KRT86: variants seen among roughly 807,000 people sequenced by gnomAD.
KRT86 encodes keratin, type II cuticular Hb6.
In KRT86, 30 loss-of-function variants were observed where a neutral mutation model predicts 41.2. The ratio of observed to expected loss-of-function variants is 0.73; its 90% confidence interval spans 0.54 to 0.99. The LOEUF is 0.99. Ranked by LOEUF, KRT86 falls within the 50% of genes least tolerant of loss-of-function variation. KRT86 has a pLI of 0.00. For missense variants in KRT86, 561 were observed against 571.4 expected, an observed-to-expected ratio of 0.98 and a Z score of 0.19; for synonymous variants, 238 against 238.1, an observed-to-expected ratio of 1.00 and a Z score of 0.00.
intron 2 of KRT86, among the ~76,000 whole-genome samples, chr12:52,282,144 T>A (rs934430213): frequency 5.9e-5 from 9 of 152,160 alleles, no homozygotes; most frequent in African/African-American, 2.2e-4. Context: ...TATTGCTGCA[T>A]GTAAAGTGCT....
chr12:52,292,826 G>A (rs190469982), intron 2 of KRT86, among the ~76,000 whole-genome samples: 3 of 152,298 alleles, frequency 2.0e-5, no homozygotes, highest in Admixed American at 6.5e-5. Context: ...AGCATAAAAT[G>A]TCAGATTGGT....
chr12:52,287,128 C>A, intron 2 of KRT86: 1 of 1,613,266 alleles, frequency 6.2e-7, no homozygotes, highest in Non-Finnish European at 8.5e-7. Context: ...CCAGCAGGCG[C>A]CTGTAGGTGG....
At position 52,306,157 on chromosome 12, in the gene KRT86, T is replaced by A. The variant is rs747720953; in HGVS notation, c.1124T>A (p.Leu375Gln). Residue 375 changes from leucine (L) to glutamine (Q), a missense_variant, in exon 9 of 11, where the codon CTG (leucine) becomes CAG (glutamine). Around this residue, in one of 3 missense-constraint regions of KRT86, gnomAD observed 397 missense variants for 375.9 expected, o/e 1.06. Coordinates refer to ENST00000423955, the MANE Select transcript of KRT86 (RefSeq NM_001320198.2). ...AAGTTGGCCGAGCTGGAGGGTGCCC[T>A]GCAGAAGGCCAAGCAGGACATGGCC... ...RCKLAELEGA[L>Q]QKAKQDMACL... is the part of the protein sequence containing the mutation. 6.2e-7 allele frequency: 1 copy of A among 1,613,838 alleles called. No individual in the cohort carries two copies. Among genetic ancestry groups the A allele is most frequent in the African/African-American group, 1.3e-5 (1 of 74,918 alleles).
chr12:52,287,729 A>C, intron 2 of KRT86: 1 of 1,613,856 alleles, frequency 6.2e-7, no homozygotes, highest in Non-Finnish European at 8.5e-7. Context: ...ACACTGGGGG[A>C]AGTAGAGATG....
chr12:52,295,266 A>G (rs1938221762), intron 2 of KRT86, among the ~76,000 whole-genome samples: 1 of 152,000 alleles, frequency 6.6e-6, no homozygotes, highest in Admixed American at 6.6e-5. Flanking sequence ...ACATGCATTA[A>G]CTCATTTAAT....
chr12:52,298,388 T>G (rs770250634), intron 2 of KRT86, among the ~76,000 whole-genome samples: 6 of 152,254 alleles, frequency 3.9e-5, no homozygotes, highest in Non-Finnish European at 1.5e-5. Context: ...ATGCATTATT[T>G]CATTTAATCC....
At chr12:52,288,366 C>G (rs1938030285) in intron 2 of KRT86, 2 of 1,613,998 alleles carry the variant, frequency 1.2e-6, no homozygotes, top group Non-Finnish European at 1.7e-6. Flanking sequence ...CGCACCTCCT[C>G]ATACAGCCGC....
chr12:52,285,503 C>G (rs1173897396), intron 2 of KRT86, among the ~76,000 whole-genome samples: 1 of 152,148 alleles, frequency 6.6e-6, no homozygotes, highest in African/African-American at 2.4e-5. Context: ...TTGCCTCAAG[C>G]TTTGAGTGAT....
Position 52,288,430 on chromosome 12 carries a change from C to T in KRT86, c.-5+12484C>T, listed in dbSNP as rs141008448. 3.5e-4 allele frequency: 562 copies of T among 1,613,638 alleles called. 3 individuals are homozygous for T. The East Asian group carries it at 6.2e-3, about 18-fold the overall frequency. On this transcript the variant is annotated intron_variant, in intron 2 of 10. Transcript: ENST00000423955. ...CCTCCACGTTGGCCTCCAGGTCTGA[C>T]TTGCGGAGGTAGGCGCAGTCCACAT...
Position 52,301,745 on chromosome 12 carries a change from C to T in KRT86, c.-4-168C>T, listed in dbSNP as rs2043720789. On this transcript the variant is annotated intron_variant, in intron 2 of 10. Coordinates refer to ENST00000423955, the MANE Select transcript of KRT86 (RefSeq NM_001320198.2). ...TAAGTGGGGAGCGACAGCAGCTAAACAACCCAAGCCCATAAAGCCTTCTAA... is the reference window on the plus strand; with the variant it reads ...TAAGTGGGGAGCGACAGCAGCTAAATAACCCAAGCCCATAAAGCCTTCTAA... 4 of 1,350,202 alleles carry T rather than the reference C, an allele frequency of 3.0e-6. No homozygotes were observed. The Admixed American group carries it at 7.7e-5, about 26-fold the overall frequency. The allele number at this position is 1,350,202 out of a possible 1,614,324, so 83.6% of individuals were successfully genotyped here.
chr12:52,283,259 T>G (rs1937818827), intron 2 of KRT86, among the ~76,000 whole-genome samples: 2 of 151,418 alleles, frequency 1.3e-5, no homozygotes, highest in Non-Finnish European at 2.9e-5. Flanking sequence ...CCCGGTGTGG[T>G]GCAGGCACCT....
Position 52,292,917 on chromosome 12 carries a change from A to C in KRT86, c.-4-8996A>C, listed in dbSNP as rs1025487205. On this transcript the variant is annotated intron_variant, in intron 2 of 10. Coordinates refer to ENST00000423955, the MANE Select transcript of KRT86 (RefSeq NM_001320198.2). ...TTTGGGAGTCTGAGGGGGGTGGATCACCTGAGGTCAGGAGTTCAAGACCAG... is the reference window on the plus strand; with the variant it reads ...TTTGGGAGTCTGAGGGGGGTGGATCCCCTGAGGTCAGGAGTTCAAGACCAG... 7.9e-5 allele frequency among the ~76,000 whole-genome samples: 12 copies of C among 152,208 alleles called. 1 individual carries two copies. Among genetic ancestry groups the C allele is most frequent in the Admixed American group, 5.9e-4 (9 of 15,280 alleles).
intron 2 of KRT86, among the ~76,000 whole-genome samples, chr12:52,280,646 A>G (rs1457278809): frequency 6.6e-6 from 1 of 152,074 alleles, no homozygotes; most frequent in Non-Finnish European, 1.5e-5. Flanking sequence ...GCCGGATGCC[A>G]CCCTCCTGAG....
intron 8 of KRT86, 90 bp downstream of exon 8, chr12:52,305,878 C>T (rs907269588): frequency 1.9e-6 from 3 of 1,608,864 alleles, no homozygotes; most frequent in Non-Finnish European, 2.6e-6. Flanking sequence ...TCTCAGCATT[C>T]ATTCTCCAGC....
At chr12:52,288,035 G>A (rs538468536) in intron 2 of KRT86, 84 of 1,614,180 alleles carry the variant, frequency 5.2e-5, no homozygotes, top group South Asian at 5.1e-4. Context: ...TGACAATGTC[G>A]TCATACTGTG....
intron 2 of KRT86, chr12:52,286,625 T>C (rs1937948204): frequency 8.3e-7 from 1 of 1,201,264 alleles, no homozygotes; most frequent in East Asian, 2.5e-5. Flanking sequence ...TCTAGGTCCA[T>C]CTAGTCCAAG....
At chr12:52,287,083 C>T in intron 2 of KRT86, 1 of 1,612,740 alleles carries the variant, frequency 6.2e-7, no homozygotes, top group Non-Finnish European at 8.5e-7. Flanking sequence ...GGTTCTGGGC[C>T]ACCCTTGGTT....
rs1005640628 is a variant in KRT86, at chr12:52,305,299, C to T, written c.795C>T (p.Asn265=). ...SDTSVVVKLD[N]SRDLNMDCII... Reference sequence around the variant, plus strand: ...CCTCCGTGGTTGTCAAGCTGGACAACAGCCGGGACCTGAACATGGACTGCA... The same window carrying T: ...CCTCCGTGGTTGTCAAGCTGGACAATAGCCGGGACCTGAACATGGACTGCA... Residue 265 remains asparagine (N), a synonymous_variant, in exon 7 of 11, where the codon AAC becomes AAT. Transcript: ENST00000423955. The T allele has an allele frequency of 1.2e-6, 2 of 1,614,128 alleles. No homozygotes were observed. Among genetic ancestry groups the T allele is most frequent in the African/African-American group, 2.7e-5 (2 of 74,938 alleles).
At position 52,286,391 on chromosome 12, in the gene KRT86, A is replaced by G. The variant is rs1336607247; in HGVS notation, c.-5+10445A>G. On this transcript the variant is annotated intron_variant, in intron 2 of 10. Transcript: ENST00000423955. ...CGCACACAGGCCGGTGCTCACCGCC[A>G]CGTTCCCGTTGCACGGAGCGCTGCA... The G allele has an allele frequency of 2.1e-5, 32 of 1,555,130 alleles. No homozygotes were observed. Among genetic ancestry groups the G allele is most frequent in the Non-Finnish European group, 2.7e-5 (31 of 1,149,144 alleles).
Sources: gnomAD v4.1 joint callset for allele counts (sites outside exome capture counted in the v4.1 genomes callset) on GRCh38, gnomAD v4.1.1 for gene constraint, gnomAD v4.1.1 regional missense constraint, MANE v1.5 for transcripts, NCBI Gene and HGNC (gene_info 2026-07-23, HGNC 2026-07-21) for gene names.